MCPH1: variants seen among roughly 807,000 people sequenced by gnomAD.
MCPH1 encodes microcephalin 1, also known as microcephalin.
MCPH1 carries 104 observed loss-of-function variants against 84.5 expected under a neutral mutation model. The ratio of observed to expected loss-of-function variants is 1.23; its 90% confidence interval spans 1.05 to 1.45. The LOEUF is 1.45. MCPH1 is among the 40% of genes most tolerant of loss of function. The pLI is 0.00. For missense variants in MCPH1, 1,498 were observed against 1,005.7 expected, an observed-to-expected ratio of 1.49 and a Z score of -6.62; for synonymous variants, 514 against 366.8, an observed-to-expected ratio of 1.40 and a Z score of -4.58.
intron 12 of MCPH1, chr8:6,502,545 A>T (rs1812400975): frequency 6.6e-6 from 1 of 152,240 alleles, no homozygotes; most frequent in Non-Finnish European, 1.5e-5. Context: ...ATGGAGTAAA[A>T]ATGCACTAAC....
chr8:6,524,000 A>C (rs1241113241), intron 12 of MCPH1, among the ~76,000 whole-genome samples: 3 of 152,154 alleles, frequency 2.0e-5, no homozygotes, highest in Non-Finnish European at 2.9e-5. Flanking sequence ...GCAGCAACTA[A>C]AGATGTTTCA....
intron 12 of MCPH1, among the ~76,000 whole-genome samples, chr8:6,555,117 T>C (rs768983363): frequency 3.3e-5 from 5 of 152,230 alleles, no homozygotes; most frequent in Non-Finnish European, 7.3e-5. Context: ...TGATTTTTTT[T>C]ACTCTTTTTA....
chr8:6,515,911 T>C (rs1304439181), intron 12 of MCPH1, among the ~76,000 whole-genome samples: 1 of 152,218 alleles, frequency 6.6e-6, no homozygotes, highest in East Asian at 1.9e-4. Flanking sequence ...TCCTGTTCTT[T>C]CATTTCCTAC....
intron 13 of MCPH1, among the ~76,000 whole-genome samples, chr8:6,628,271 C>T (rs1039269422): frequency 6.6e-6 from 1 of 151,860 alleles, no homozygotes; most frequent in Non-Finnish European, 1.5e-5. Flanking sequence ...GAGATCGAGA[C>T]CATCCTGGCT....
At chr8:6,506,951 G>C (rs763251482) in intron 12 of MCPH1, among the ~76,000 whole-genome samples, 1 of 151,574 alleles carries the variant, frequency 6.6e-6, no homozygotes, top group South Asian at 2.1e-4. Context: ...AGGCTGGATT[G>C]TACTGGTGCG....
intron 12 of MCPH1, among the ~76,000 whole-genome samples, chr8:6,602,910 T>C (rs572559398): frequency 4.6e-5 from 7 of 152,202 alleles, no homozygotes; most frequent in African/African-American, 1.7e-4. Flanking sequence ...ATAGAAAATA[T>C]ATATATATGT....
chr8:6,427,123 A>T (rs1801174529), intron 3 of MCPH1, among the ~76,000 whole-genome samples: 1 of 152,206 alleles, frequency 6.6e-6, no homozygotes, highest in Admixed American at 6.5e-5. Flanking sequence ...TGTGTCTCTG[A>T]AATACTTAAA....
At chr8:6,562,623 AAGAC>A in intron 12 of MCPH1, 1 of 1,389,742 alleles carries the variant, frequency 7.2e-7, no homozygotes, top group Non-Finnish European at 9.6e-7. Context: ...CATGTTCACA[AAGAC>A]AGATGGATTT....
intron 12 of MCPH1, among the ~76,000 whole-genome samples, chr8:6,515,687 A>G (rs1816133350): frequency 6.6e-6 from 1 of 152,250 alleles, no homozygotes; most frequent in African/African-American, 2.4e-5. Context: ...CATGTTTTCC[A>G]GAAAGTAAGA....
intron 12 of MCPH1, among the ~76,000 whole-genome samples, chr8:6,593,927 C>A (rs1265479030): frequency 6.6e-6 from 1 of 152,256 alleles, no homozygotes; most frequent in Admixed American, 6.5e-5. Flanking sequence ...AGGACCCCCG[C>A]TGGCACTCTG....
intron 5 of MCPH1, among the ~76,000 whole-genome samples, chr8:6,437,702 G>C (rs1585759266): frequency 6.6e-6 from 1 of 152,060 alleles, no homozygotes; most frequent in Admixed American, 6.6e-5. Flanking sequence ...CAGCTGTCTC[G>C]TCTTCGTCAA....
chr8:6,439,453 C>T (rs949681974), intron 6 of MCPH1, among the ~76,000 whole-genome samples: 5 of 149,290 alleles, frequency 3.3e-5, no homozygotes, highest in East Asian at 1.9e-4. Context: ...TGCAGTGGCG[C>T]GATCTGGGCT....
intron 12 of MCPH1, among the ~76,000 whole-genome samples, chr8:6,560,657 T>A (rs757037763): frequency 1.8e-4 from 27 of 152,204 alleles, no homozygotes; most frequent in Non-Finnish European, 3.8e-4. Context: ...AAGACGGACT[T>A]TTGAAATACC....
At chr8:6,517,498 G>A (rs1348816617) in intron 12 of MCPH1, among the ~76,000 whole-genome samples, 2 of 152,242 alleles carry the variant, frequency 1.3e-5, no homozygotes, top group East Asian at 1.9e-4. Flanking sequence ...TAAAGCTGCA[G>A]TATTTTGGCC....
rs993839382 is a variant in MCPH1, at chr8:6,628,732, G to C, written c.2452+7041G>C. On this transcript the variant is annotated intron_variant, in intron 13 of 13. Transcript: ENST00000344683. ...CCCCCTGCAAACACTCCCGTGCTTG[G>C]GGTGAATGCCCAAGTGTGTCACAGC... Among the ~76,000 whole-genome samples, 55 of 152,190 alleles carry C rather than the reference G, an allele frequency of 3.6e-4. 1 individual carries two copies. The highest frequency in any genetic ancestry group is 3.3e-3 in the Admixed American group (51 of 15,284).
intron 12 of MCPH1, among the ~76,000 whole-genome samples, chr8:6,576,143 C>T (rs551336712): frequency 7.9e-5 from 12 of 152,050 alleles, no homozygotes; most frequent in Admixed American, 7.9e-4. Flanking sequence ...GGTTCTTCTC[C>T]TTCTTGTTCA....
intron 13 of MCPH1, chr8:6,642,756 G>C: frequency 1.7e-6 from 1 of 571,776 alleles, no homozygotes; most frequent in Admixed American, 2.6e-5. Flanking sequence ...GGGACATGTG[G>C]CTACCAAGCA....
chr8:6,468,038 T>C (rs769213556), intron 9 of MCPH1, among the ~76,000 whole-genome samples: 1 of 152,226 alleles, frequency 6.6e-6, no homozygotes, highest in Non-Finnish European at 1.5e-5. Context: ...TTTGGGGTTA[T>C]ACTTAGAGTG....
At chr8:6,573,030 A>C (rs1014458709) in intron 12 of MCPH1, among the ~76,000 whole-genome samples, 5 of 152,228 alleles carry the variant, frequency 3.3e-5, no homozygotes, top group African/African-American at 4.8e-5. Context: ...TTGCCTGTGC[A>C]CTTAAAAAAT....
Sources: allele counts gnomAD v4.1 joint callset (sites outside exome capture counted in the v4.1 genomes callset), GRCh38; gene constraint gnomAD v4.1.1; transcripts MANE v1.5; gene names NCBI Gene and HGNC (gene_info 2026-07-23, HGNC 2026-07-21).